ZBTB7C: variants seen among roughly 807,000 people sequenced by gnomAD.
ZBTB7C encodes the protein zinc finger and BTB domain containing 7C, also known as zinc finger and BTB domain-containing protein 7C.
ZBTB7C carries 8 observed loss-of-function variants against 25.7 expected under a neutral mutation model. The observed-to-expected ratio is 0.31, with a 90% CI of 0.18 to 0.56. ZBTB7C has a LOEUF of 0.56. Among genes scored for constraint, ZBTB7C ranks in the 20% least tolerant of loss-of-function variants. ZBTB7C has a pLI of 0.91. For missense variants in ZBTB7C, 824 were observed against 855.2 expected (o/e 0.96, Z 0.46); for synonymous variants, 394 against 369.0 (o/e 1.07, Z -0.78).
At chr18:48,266,960 C>G (rs1164137949) in intron 2 of ZBTB7C, among the ~76,000 whole-genome samples, 2 of 152,136 alleles carry the variant, frequency 1.3e-5, no homozygotes, top group African/African-American at 4.8e-5. Context: ...AGGCTCCACC[C>G]CATTCCTTTA....
At chr18:48,305,799 A>T (rs1296885587) in intron 2 of ZBTB7C, among the ~76,000 whole-genome samples, 2 of 152,154 alleles carry the variant, frequency 1.3e-5, no homozygotes, top group East Asian at 3.9e-4. Context: ...AGGGAGCTCA[A>T]GTCACTTGCC....
intron 2 of ZBTB7C, among the ~76,000 whole-genome samples, chr18:48,331,891 C>G (rs1229995895): frequency 6.6e-6 from 1 of 152,094 alleles, no homozygotes; most frequent in Admixed American, 6.5e-5. Context: ...TTCAAAGAGA[C>G]ACAAAATGTT....
At chr18:48,388,756 A>T (rs2047809498) in intron 1 of ZBTB7C, among the ~76,000 whole-genome samples, 1 of 152,212 alleles carries the variant, frequency 6.6e-6, no homozygotes, top group Non-Finnish European at 1.5e-5. Flanking sequence ...TTTAGAAAAA[A>T]ATAAAAATAA....
chr18:48,273,800 A>G (rs1210600424), intron 2 of ZBTB7C, among the ~76,000 whole-genome samples: 1 of 152,196 alleles, frequency 6.6e-6, no homozygotes, highest in Non-Finnish European at 1.5e-5. Flanking sequence ...AATATTACCC[A>G]CAAGAAATAT....
chr18:48,189,910 G>A (rs1401864866), intron 2 of ZBTB7C, among the ~76,000 whole-genome samples: 1 of 152,212 alleles, frequency 6.6e-6, no homozygotes, highest in Non-Finnish European at 1.5e-5. Flanking sequence ...TCTGTCAAGG[G>A]CTGGCCTCTG....
At chr18:48,095,286 C>A (rs187074529) in intron 3 of ZBTB7C, among the ~76,000 whole-genome samples, 1 of 152,284 alleles carries the variant, frequency 6.6e-6, no homozygotes, top group East Asian at 1.9e-4. Context: ...TCTGCAAGGT[C>A]AAGGCCATTT....
intron 3 of ZBTB7C, among the ~76,000 whole-genome samples, chr18:48,079,173 C>A (rs6507801): frequency 0.52 from 79,477 of 152,008 alleles, 23,106 homozygotes; most frequent in African/African-American, 0.79. Flanking sequence ...TCAGATGGCT[C>A]TCTGCCTTGT....
chr18:48,220,419 C>T (rs2042921871), intron 2 of ZBTB7C, among the ~76,000 whole-genome samples: 1 of 152,082 alleles, frequency 6.6e-6, no homozygotes, highest in Admixed American at 6.5e-5. Context: ...CCAACAGATG[C>T]CAGGGGAGTA....
intron 1 of ZBTB7C, among the ~76,000 whole-genome samples, chr18:48,391,201 G>A (rs1272046648): frequency 6.6e-6 from 1 of 152,230 alleles, no homozygotes; most frequent in African/African-American, 2.4e-5. Context: ...TCAGAACTGA[G>A]CCAGCCAAGT....
intron 3 of ZBTB7C, among the ~76,000 whole-genome samples, chr18:48,082,236 C>A (rs2038018921): frequency 6.6e-6 from 1 of 152,142 alleles, no homozygotes; most frequent in Non-Finnish European, 1.5e-5. Context: ...ACACGCTGAG[C>A]CTTATCATAG....
At chr18:48,393,954 A>G (rs2047959721) in intron 1 of ZBTB7C, among the ~76,000 whole-genome samples, 1 of 152,160 alleles carries the variant, frequency 6.6e-6, no homozygotes, top group Admixed American at 6.5e-5. Flanking sequence ...GACACAATGA[A>G]GCAATCACTG....
At chr18:48,318,606 A>C (rs1386205157) in intron 2 of ZBTB7C, among the ~76,000 whole-genome samples, 3 of 152,212 alleles carry the variant, frequency 2.0e-5, no homozygotes, top group African/African-American at 7.2e-5. Context: ...GCTTGGGCCC[A>C]AAGCCTCCAC....
intron 3 of ZBTB7C, among the ~76,000 whole-genome samples, chr18:48,129,679 C>T (rs970033968): frequency 5.9e-5 from 9 of 152,216 alleles, no homozygotes; most frequent in African/African-American, 1.7e-4. Context: ...GCTCCGGGCA[C>T]GGCACTGCAT....
intron 3 of ZBTB7C, among the ~76,000 whole-genome samples, chr18:48,137,784 C>T (rs1341080643): frequency 2.0e-5 from 3 of 152,246 alleles, no homozygotes; most frequent in African/African-American, 7.2e-5. Flanking sequence ...ATCACGCAGG[C>T]TGACTCAGAA....
chr18:48,238,790 G>A (rs750286081), intron 2 of ZBTB7C, among the ~76,000 whole-genome samples: 2 of 152,184 alleles, frequency 1.3e-5, no homozygotes, highest in African/African-American at 2.4e-5. Context: ...TGGGGGTGAG[G>A]TGTGAACAGG....
At chr18:48,301,558 C>T (rs1013893779) in intron 2 of ZBTB7C, among the ~76,000 whole-genome samples, 20 of 152,118 alleles carry the variant, frequency 1.3e-4, no homozygotes, top group African/African-American at 4.6e-4. Context: ...ACTGTGGCTC[C>T]ATCTCACAAA....
chr18:48,045,014 C>G (rs2036412653), intron 3 of ZBTB7C, among the ~76,000 whole-genome samples: 1 of 152,236 alleles, frequency 6.6e-6, no homozygotes, highest in Non-Finnish European at 1.5e-5. Flanking sequence ...AATTGCAGCT[C>G]CTGCCTCTGA....
intron 3 of ZBTB7C, among the ~76,000 whole-genome samples, chr18:48,137,812 C>T (rs1032830510): frequency 6.6e-5 from 10 of 152,336 alleles, no homozygotes; most frequent in South Asian, 4.1e-4. Context: ...CTGGAGATTC[C>T]GGCAGTCCAC....
intron 3 of ZBTB7C, among the ~76,000 whole-genome samples, chr18:48,167,605 T>TGTGTGTGTGTGC (rs199586468): frequency 1.3e-5 from 2 of 149,632 alleles, no homozygotes; most frequent in Admixed American, 6.6e-5. Flanking sequence ...TGTGCGCGCG[T>TGTGTGTGTGTGC]GCACACGCGC....
Sources: gnomAD v4.1 joint callset for allele counts (sites outside exome capture counted in the v4.1 genomes callset) on GRCh38, gnomAD v4.1.1 for gene constraint, MANE v1.5 for transcripts, NCBI Gene and HGNC (gene_info 2026-07-23, HGNC 2026-07-21) for gene names.